The following TMEM163 variants were observed in gnomAD, a reference collection of about 807,000 sequenced individuals.
TMEM163 encodes the protein transmembrane protein 163.
Under a neutral mutation model 29.3 loss-of-function variants are expected in TMEM163, and 17 were observed. That is an observed-to-expected ratio of 0.58 (90% CI 0.40 to 0.87). TMEM163 has a LOEUF of 0.87. Ranked by LOEUF, TMEM163 falls within the 40% of genes least tolerant of loss-of-function variation. The pLI is 0.00. For synonymous variants in TMEM163, 157 were observed against 160.6 expected, an observed-to-expected ratio of 0.98 and a Z score of 0.17; for missense variants, 303 against 381.5, an observed-to-expected ratio of 0.79 and a Z score of 1.71.
At position 134,533,797 on chromosome 2, in the gene TMEM163, G is replaced by A. The variant is rs547617047; in HGVS notation, c.458+16773C>T. ...CTCACCTTTGCCCTTCACTAATTGG[G>A]TCCCACCACAGGAGCCTCTTTTTCT... On this transcript the variant is annotated intron_variant, in intron 4 of 7. Coordinates refer to ENST00000281924, the MANE Select transcript of TMEM163 (RefSeq NM_030923.5). Among the ~76,000 whole-genome samples the A allele has an allele frequency of 3.3e-5, 5 of 152,100 alleles. No homozygotes were observed. The South Asian group carries it at 1.0e-3, about 32-fold the overall frequency.
In TMEM163 at chr2:134,486,875, C is replaced by T. The variant is rs146264425; in HGVS notation, c.555+16026G>A. 1.1e-4 allele frequency among the ~76,000 whole-genome samples: 17 copies of T among 152,242 alleles called. 2 individuals are homozygous for T. The highest frequency in any genetic ancestry group is 3.9e-4 in the African/African-American group (16 of 41,542). On this transcript the variant is annotated intron_variant, in intron 5 of 7. Transcript: ENST00000281924. ...TGCTCTTTGACCAAAGAGGGTTTAT[C>T]CCAAGAATTCAAAGATGCCTTATTA...
intron 6 of TMEM163, 28 bp from the exon 7 acceptor site, chr2:134,458,201 T>G: frequency 6.2e-7 from 1 of 1,613,016 alleles, no homozygotes; most frequent in Non-Finnish European, 8.5e-7. Flanking sequence ...AGAGGCTAGA[T>G]GGCAGTGCCA....
intron 2 of TMEM163, among the ~76,000 whole-genome samples, chr2:134,568,840 G>A (rs1681360211): frequency 2.6e-5 from 4 of 152,244 alleles, no homozygotes; most frequent in Middle Eastern, 3.4e-3. Context: ...AGGAGAGTAC[G>A]ACCACAAAGA....
At chr2:134,643,508 C>A (rs1454423574) in intron 2 of TMEM163, among the ~76,000 whole-genome samples, 17 of 151,812 alleles carry the variant, frequency 1.1e-4, no homozygotes, top group Admixed American at 1.1e-3. Flanking sequence ...TATCCTGATA[C>A]CAAAACCAAA....
chr2:134,686,920 C>T (rs1361714464), intron 2 of TMEM163, among the ~76,000 whole-genome samples: 1 of 152,152 alleles, frequency 6.6e-6, no homozygotes, highest in Non-Finnish European at 1.5e-5. Context: ...CAAAGAAGTG[C>T]AGATGAAAAT....
At chr2:134,569,110 AT>A (rs1681365438) in intron 2 of TMEM163, among the ~76,000 whole-genome samples, 1 of 152,242 alleles carries the variant, frequency 6.6e-6, no homozygotes, top group African/African-American at 2.4e-5. Context: ...ATATTGAGCT[AT>A]AAATCAAAAA....
intron 2 of TMEM163, among the ~76,000 whole-genome samples, chr2:134,611,999 C>T (rs562653922): frequency 2.0e-5 from 3 of 152,308 alleles, no homozygotes; most frequent in South Asian, 2.1e-4. Flanking sequence ...GAAGAAACAC[C>T]GGAAAACCAA....
rs529683903 is a variant in TMEM163, at chr2:134,515,601, G to A, written c.459-12604C>T. On this transcript the variant is annotated intron_variant, in intron 4 of 7. Coordinates refer to ENST00000281924, the MANE Select transcript of TMEM163 (RefSeq NM_030923.5). ...GTAGTGTTATTTATATTTAAATGTG[G>A]GAAATTTAAATGTGCCACAAAGGGA... Among the ~76,000 whole-genome samples, 3 of 152,212 alleles carry A rather than the reference G, an allele frequency of 2.0e-5. No homozygotes were observed. The South Asian group carries it at 6.2e-4, about 32-fold the overall frequency.
At chr2:134,666,724 AGC>A (rs1356428401) in intron 2 of TMEM163, among the ~76,000 whole-genome samples, 3 of 152,216 alleles carry the variant, frequency 2.0e-5, no homozygotes. Context: ...TAAGATCTCC[AGC>A]AATTTACTCC....
intron 2 of TMEM163, among the ~76,000 whole-genome samples, chr2:134,584,905 G>A (rs755290094): frequency 2.0e-4 from 30 of 152,224 alleles, no homozygotes; most frequent in Non-Finnish European, 3.8e-4. Context: ...TCAAAGAGCT[G>A]GTAAGCAGCA....
chr2:134,546,915 C>T (rs1356679823), intron 4 of TMEM163, among the ~76,000 whole-genome samples: 1 of 152,142 alleles, frequency 6.6e-6, no homozygotes, highest in Non-Finnish European at 1.5e-5. Flanking sequence ...GGACATTATG[C>T]TAACTGAAAT....
intron 4 of TMEM163, among the ~76,000 whole-genome samples, chr2:134,504,014 T>G (rs1679760953): frequency 6.6e-6 from 1 of 152,196 alleles, no homozygotes; most frequent in South Asian, 2.1e-4. Context: ...TGTCCCAGCT[T>G]GATGTCTCCA....
At chr2:134,569,330 C>T (rs947460575) in intron 2 of TMEM163, among the ~76,000 whole-genome samples, 1 of 152,160 alleles carries the variant, frequency 6.6e-6, no homozygotes, top group Non-Finnish European at 1.5e-5. Flanking sequence ...TCCTTAGACC[C>T]TGTAGGTTTA....
At chr2:134,701,171 A>AG (rs1163016625) in intron 2 of TMEM163, among the ~76,000 whole-genome samples, 1 of 151,978 alleles carries the variant, frequency 6.6e-6, no homozygotes, top group Non-Finnish European at 1.5e-5. Context: ...TTAAATATAA[A>AG]AAAGTAAAAC....
In TMEM163 at chr2:134,552,033, T is replaced by C; in HGVS notation, c.366+15A>G. The C allele has an allele frequency of 6.2e-7, 1 of 1,612,448 alleles. No homozygotes were observed. Among genetic ancestry groups the C allele is most frequent in the Non-Finnish European group, 8.5e-7 (1 of 1,178,952 alleles). On this transcript the variant is annotated intron_variant, in intron 3 of 7. Transcript: ENST00000281924. ...ACGTGCAAAACTTGATGAAAGTACA[T>C]TTCAGGTTACTTACTGCAAACCCAA... is the stretch of plus-strand genomic sequence containing the variant.
chr2:134,560,927 CAGG>C (rs1404026872), intron 2 of TMEM163, among the ~76,000 whole-genome samples: 1 of 151,768 alleles, frequency 6.6e-6, no homozygotes, highest in East Asian at 1.9e-4. Flanking sequence ...GTCTCACACA[CAGG>C]AGTCACCAGC....
rs575317560 is a variant in TMEM163 at position 134,567,418 on chromosome 2, G to A, written c.323-15327C>T. On this transcript the variant is annotated intron_variant, in intron 2 of 7. Transcript: ENST00000281924. ...CAAAATAAAGAGTCAGGAGCTGGGC[G>A]TGGTGACTCACACCAGTAATTCCAG... Among the ~76,000 whole-genome samples, 15 of 152,324 alleles carry A rather than the reference G, an allele frequency of 9.8e-5. 1 individual carries two copies. The East Asian group carries it at 2.3e-3, about 23-fold the overall frequency.
intron 4 of TMEM163, among the ~76,000 whole-genome samples, chr2:134,545,316 C>A (rs1381287061): frequency 6.6e-6 from 1 of 152,174 alleles, no homozygotes; most frequent in East Asian, 1.9e-4. Flanking sequence ...TCCCAGTCTC[C>A]ACATCCTCAA....
intron 5 of TMEM163, among the ~76,000 whole-genome samples, chr2:134,486,880 G>T (rs567403520): frequency 6.6e-6 from 1 of 152,266 alleles, no homozygotes; most frequent in South Asian, 2.1e-4. Flanking sequence ...TTTATCCCAA[G>T]AATTCAAAGA....
Sources: allele counts gnomAD v4.1 joint callset (sites outside exome capture counted in the v4.1 genomes callset), GRCh38; gene constraint gnomAD v4.1.1; transcripts MANE v1.5; gene names NCBI Gene and HGNC (gene_info 2026-07-23, HGNC 2026-07-21).